Variants in CAMK1D observed in about 807,000 individuals in gnomAD.
CAMK1D encodes calcium/calmodulin-dependent protein kinase type 1D.
Under a neutral mutation model 47.7 loss-of-function variants are expected in CAMK1D, and 9 were observed. The observed-to-expected ratio is 0.19, with a 90% confidence interval of 0.11 to 0.33. CAMK1D has a LOEUF of 0.33. CAMK1D is among the 10% of genes least tolerant of loss of function. The pLI is 1.00. For synonymous variants in CAMK1D, 184 were observed against 184.9 expected, an observed-to-expected ratio of 0.99 and a Z score of 0.04; for missense variants, 291 against 488.7, an observed-to-expected ratio of 0.60 and a Z score of 3.81.
chr10:12,369,139 G>A (rs1837936223), intron 1 of CAMK1D, among the ~76,000 whole-genome samples: 1 of 152,108 alleles, frequency 6.6e-6, no homozygotes, highest in African/African-American at 2.4e-5. Flanking sequence ...TTGAGAGACA[G>A]ATTCCAGCTT....
intron 2 of CAMK1D, among the ~76,000 whole-genome samples, chr10:12,659,799 C>T (rs1840222393): frequency 6.6e-6 from 1 of 152,198 alleles, no homozygotes; most frequent in African/African-American, 2.4e-5. Context: ...TTCTGGGCTG[C>T]TTAGAGTGAC....
At chr10:12,550,624 A>G (rs1468650931) in intron 1 of CAMK1D, among the ~76,000 whole-genome samples, 1 of 152,102 alleles carries the variant, frequency 6.6e-6, no homozygotes, top group African/African-American at 2.4e-5. Context: ...GTGGGTCTTT[A>G]TGTGTTTATA....
chr10:12,717,607 C>G (rs1477037555), intron 3 of CAMK1D, among the ~76,000 whole-genome samples: 1 of 151,204 alleles, frequency 6.6e-6, no homozygotes, highest in Non-Finnish European at 1.5e-5. Flanking sequence ...AAAAAATAGC[C>G]AGGTTTACTG....
intron 3 of CAMK1D, among the ~76,000 whole-genome samples, chr10:12,702,337 C>G (rs4623785): frequency 0.78 from 118,605 of 152,146 alleles, 51,860 homozygotes; most frequent in Non-Finnish European, 0.96. Flanking sequence ...AGCTAAGCCC[C>G]TGTTAAATAT....
intron 2 of CAMK1D, among the ~76,000 whole-genome samples, chr10:12,601,822 C>CT (rs1564438530): frequency 6.6e-6 from 1 of 152,212 alleles, no homozygotes; most frequent in Non-Finnish European, 1.5e-5. Context: ...GCAGGGCTTT[C>CT]TTCTCCCCTG....
intron 2 of CAMK1D, among the ~76,000 whole-genome samples, chr10:12,649,274 G>C (rs7101243): frequency 0.48 from 73,200 of 152,154 alleles, 18,618 homozygotes; most frequent in East Asian, 0.57. Flanking sequence ...TGTGTTGTCA[G>C]GTTCCAAGTG....
At chr10:12,747,120 C>G (rs57315607) in intron 3 of CAMK1D, among the ~76,000 whole-genome samples, 40,342 of 151,952 alleles carry the variant, frequency 0.27, 6,100 homozygotes, top group African/African-American at 0.42. Context: ...CAGCCTCCAT[C>G]TCCTGGGTTC....
chr10:12,747,126 G>T (rs1835717781), intron 3 of CAMK1D, among the ~76,000 whole-genome samples: 1 of 152,108 alleles, frequency 6.6e-6, no homozygotes, highest in Admixed American at 6.5e-5. Context: ...CCATCTCCTG[G>T]GTTCAAGCGA....
rs117285416 is a variant in CAMK1D at position 12,411,473 on chromosome 10, G to A, written c.92+61563G>A. ...GGGAGCTGGCAGGAGTGCCCTGTGAGTGCCTTAATGAGATGCCACTGCATT... is the reference window on the plus strand; with the variant it reads ...GGGAGCTGGCAGGAGTGCCCTGTGAATGCCTTAATGAGATGCCACTGCATT... On this transcript the variant is annotated intron_variant, in intron 1 of 10. Coordinates refer to ENST00000619168, the MANE Select transcript of CAMK1D (RefSeq NM_153498.4). 7.8e-4 allele frequency among the ~76,000 whole-genome samples: 119 copies of A among 152,218 alleles called. 1 individual carries two copies. The Middle Eastern group carries it at 0.014, about 17-fold the overall frequency.
At chr10:12,371,681 A>T (rs1838012150) in intron 1 of CAMK1D, among the ~76,000 whole-genome samples, 1 of 151,650 alleles carries the variant, frequency 6.6e-6, no homozygotes, top group South Asian at 2.1e-4. Flanking sequence ...GTGGATCATG[A>T]GGTCAGGAGT....
Position 12,727,945 on chromosome 10 carries a change from T to C in CAMK1D, c.300-33003T>C, listed in dbSNP as rs146770466. 9.5e-4 allele frequency among the ~76,000 whole-genome samples: 145 copies of C among 152,224 alleles called. 5 individuals carry two copies. The highest frequency in any genetic ancestry group is 3.3e-3 in the African/African-American group (139 of 41,528). On this transcript the variant is annotated intron_variant, in intron 3 of 10. Coordinates refer to ENST00000619168, the MANE Select transcript of CAMK1D (RefSeq NM_153498.4). ...TATGCCCAGCTGATTTTTGTATTTT[T>C]AGTAGAGACGGGATTTCACCATGCT...
intron 3 of CAMK1D, among the ~76,000 whole-genome samples, chr10:12,671,382 C>A: frequency 6.6e-6 from 1 of 150,562 alleles, no homozygotes; most frequent in East Asian, 2.0e-4. Flanking sequence ...ACTCATCAAA[C>A]TATTTTCCAA....
At chr10:12,573,868 G>T (rs1438247082) in intron 2 of CAMK1D, among the ~76,000 whole-genome samples, 3 of 112,626 alleles carry the variant, frequency 2.7e-5, no homozygotes, top group South Asian at 3.0e-4. Flanking sequence ...TGGAGATGGG[G>T]TCTCACTCTG....
chr10:12,536,837 G>A (rs74116956), intron 1 of CAMK1D, among the ~76,000 whole-genome samples: 1 of 152,148 alleles, frequency 6.6e-6, no homozygotes, highest in South Asian at 2.1e-4. Context: ...AATGCATGTA[G>A]ATCTCATCAG....
chr10:12,647,515 T>C (rs569642291), intron 2 of CAMK1D, among the ~76,000 whole-genome samples: 1 of 152,308 alleles, frequency 6.6e-6, no homozygotes, highest in South Asian at 2.1e-4. Context: ...ATACCAATGC[T>C]TTGTAGAAAA....
chr10:12,439,841 T>C (rs910359655), intron 1 of CAMK1D, among the ~76,000 whole-genome samples: 3 of 152,226 alleles, frequency 2.0e-5, no homozygotes, highest in South Asian at 2.1e-4. Context: ...CACAGTTCCA[T>C]GTGGCTGGGG....
At chr10:12,549,564 G>A (rs1836511691) in intron 1 of CAMK1D, among the ~76,000 whole-genome samples, 1 of 152,204 alleles carries the variant, frequency 6.6e-6, no homozygotes. Context: ...TATAGACCTA[G>A]GTGTGGAGTT....
intron 5 of CAMK1D, among the ~76,000 whole-genome samples, chr10:12,779,484 C>T (rs1564555272): frequency 6.6e-6 from 1 of 152,078 alleles, no homozygotes; most frequent in Non-Finnish European, 1.5e-5. Flanking sequence ...GGCTGGAGTG[C>T]AGTGGCATGA....
At chr10:12,642,039 T>G (rs1839680316) in intron 2 of CAMK1D, among the ~76,000 whole-genome samples, 1 of 143,630 alleles carries the variant, frequency 7.0e-6, no homozygotes, top group South Asian at 2.3e-4. Flanking sequence ...GTGAGACCCT[T>G]TCTCAGAATA....
Sources: allele counts gnomAD v4.1 joint callset (sites outside exome capture counted in the v4.1 genomes callset), GRCh38; gene constraint gnomAD v4.1.1; transcripts MANE v1.5; gene names NCBI Gene and HGNC (gene_info 2026-07-23, HGNC 2026-07-21).